The following CNTNAP3B variants were observed in gnomAD, a reference collection of about 807,000 sequenced individuals.
The protein encoded by CNTNAP3B is contactin associated protein family member 3B.
A neutral mutation model predicts 108.9 loss-of-function variants in CNTNAP3B; 25 were observed. The observed-to-expected ratio is 0.23, with a 90% CI of 0.17 to 0.32. The LOEUF is 0.32. CNTNAP3B is among the 10% of genes least tolerant of loss of function. CNTNAP3B has a pLI of 1.00. For synonymous variants in CNTNAP3B, 103 were observed against 473.4 expected, an observed-to-expected ratio of 0.22 and a Z score of 10.16; for missense variants, 252 against 1,210.4, an observed-to-expected ratio of 0.21 and a Z score of 11.75.
intron 3 of CNTNAP3B, among the ~76,000 whole-genome samples, chr9:42,071,243 C>CGT (rs1170294136): frequency 6.8e-6 from 1 of 146,460 alleles, no homozygotes; most frequent in Non-Finnish European, 1.5e-5. Flanking sequence ...TGCGTGTCTG[C>CGT]GTGTGTGTGT....
chr9:42,047,846 G>A (rs954864681), intron 3 of CNTNAP3B, among the ~76,000 whole-genome samples: 3 of 112,066 alleles, frequency 2.7e-5, no homozygotes, highest in East Asian at 2.9e-4. Context: ...TTCTTTAGAG[G>A]ACAAAATGCC....
At chr9:41,948,039 A>AC in intron 13 of CNTNAP3B, among the ~76,000 whole-genome samples, 1 of 150,122 alleles carries the variant, frequency 6.7e-6, no homozygotes, top group East Asian at 2.0e-4. Context: ...TTACTGAAAA[A>AC]AAATCTCTTG....
intron 14 of CNTNAP3B, 125 bp from the exon 15 acceptor site, chr9:41,929,569 A>G (rs573863829): frequency 3.2e-6 from 4 of 1,244,966 alleles, no homozygotes; most frequent in East Asian, 5.5e-5. Context: ...AACATTTTCA[A>G]TATTTTGAGA....
At chr9:41,955,035 T>A in intron 12 of CNTNAP3B, among the ~76,000 whole-genome samples, 1 of 151,342 alleles carries the variant, frequency 6.6e-6, no homozygotes, top group African/African-American at 2.4e-5. Flanking sequence ...CATCACCTAC[T>A]CTCACCTTCA....
intron 12 of CNTNAP3B, among the ~76,000 whole-genome samples, 185 bp from the exon 13 acceptor site, chr9:41,953,571 C>T (rs1200032206): frequency 1.3e-5 from 2 of 151,282 alleles, no homozygotes; most frequent in East Asian, 3.9e-4. Flanking sequence ...TAAGAGAAAG[C>T]ATATTGGAAG....
At chr9:41,960,117 C>G (rs1276123255) in intron 12 of CNTNAP3B, 2 of 155,744 alleles carry the variant, frequency 1.3e-5, no homozygotes, top group Non-Finnish European at 2.8e-5. Flanking sequence ...CCTGCCTCAG[C>G]CTCCCAAGTA....
At position 42,098,926 on chromosome 9, in the gene CNTNAP3B, G is replaced by A. The variant is rs1229193562; in HGVS notation, c.196+5703C>T. Among the ~76,000 whole-genome samples, 5 of 133,538 alleles carry A rather than the reference G, an allele frequency of 3.7e-5. 1 individual carries two copies. Among genetic ancestry groups the A allele is most frequent in the Non-Finnish European group, 7.9e-5 (5 of 63,300 alleles). The allele number at this position is 133,538 out of a possible 152,430, so 87.6% of individuals were successfully genotyped here. ...TTCTGTGGAGCCACACAGGCAGCCT[G>A]ATACCTGGGCAAATGCTTACCTGCC... On this transcript the variant is annotated intron_variant, in intron 2 of 23. Coordinates refer to ENST00000377561, the MANE Select transcript of CNTNAP3B (RefSeq NM_001201380.3).
chr9:42,112,423 G>A lies in CNTNAP3B; in HGVS notation c.86-7684C>T, dbSNP rs752411272. Among the ~76,000 whole-genome samples the A allele has an allele frequency of 4.7e-4, 65 of 139,146 alleles. 12 individuals are homozygous for A. Among genetic ancestry groups the A allele is most frequent in the African/African-American group, 1.7e-3 (58 of 34,938 alleles). 91.3% of individuals were successfully genotyped at this position (139,146 alleles called of 152,430 possible). A position where few individuals can be genotyped will look rare whatever the true frequency, so the allele number is the denominator to read the frequency against. On this transcript the variant is annotated intron_variant, in intron 1 of 23. Coordinates refer to ENST00000377561, the MANE Select transcript of CNTNAP3B (RefSeq NM_001201380.3). Reference sequence around the variant, plus strand: ...GGCAGATGGGGATGAGAGGGAACAGGAGAACCTCACTCCTGAGAAAGGAGC... The same window carrying A: ...GGCAGATGGGGATGAGAGGGAACAGAAGAACCTCACTCCTGAGAAAGGAGC...
intron 15 of CNTNAP3B, among the ~76,000 whole-genome samples, chr9:41,927,410 GAAAGAAAGAAAAAGAAAGA>G (rs1823850590): frequency 6.9e-6 from 1 of 145,184 alleles, no homozygotes; most frequent in Non-Finnish European, 1.5e-5. Context: ...AGACAGGAAA[GAAAGAAAGAAAAAGAAAGA>G]AAAGAAAGAG....
chr9:41,935,138 G>A (rs1232611294), intron 14 of CNTNAP3B, among the ~76,000 whole-genome samples: 1 of 152,296 alleles, frequency 6.6e-6, no homozygotes, highest in African/African-American at 2.4e-5. Context: ...AATCATTATA[G>A]TGCCTTTTAA....
chr9:41,967,866 A>T (rs758603002), intron 10 of CNTNAP3B, among the ~76,000 whole-genome samples: 15 of 152,386 alleles, frequency 9.8e-5, no homozygotes, highest in Non-Finnish European at 1.5e-4. Flanking sequence ...TAAAATCCTT[A>T]TCTGCAATGA....
chr9:41,990,598 A>G (rs575956819), intron 8 of CNTNAP3B, among the ~76,000 whole-genome samples: 4 of 131,502 alleles, frequency 3.0e-5, no homozygotes, highest in Non-Finnish European at 6.3e-5. Context: ...TTTTTTGAGT[A>G]TGATATCCCC....
At chr9:42,037,378 C>T (rs1317673665) in intron 3 of CNTNAP3B, among the ~76,000 whole-genome samples, 2 of 123,996 alleles carry the variant, frequency 1.6e-5, no homozygotes, top group Admixed American at 8.1e-5. Flanking sequence ...AGCTAAAAAC[C>T]TTCAAAAAAG....
intron 3 of CNTNAP3B, among the ~76,000 whole-genome samples, chr9:42,035,677 A>C (rs1272208694): frequency 6.6e-6 from 1 of 150,938 alleles, no homozygotes; most frequent in Admixed American, 6.6e-5. Flanking sequence ...ATTGTTTTAG[A>C]GACAGGGTTT....
At chr9:41,969,174 T>C (rs1159859481) in intron 10 of CNTNAP3B, among the ~76,000 whole-genome samples, 2 of 152,052 alleles carry the variant, frequency 1.3e-5, no homozygotes, top group African/African-American at 4.8e-5. Context: ...CTGGGGCAAA[T>C]TGTATGTAGA....
intron 1 of CNTNAP3B, among the ~76,000 whole-genome samples, chr9:42,114,106 T>C (rs1828260671): frequency 8.5e-6 from 1 of 116,970 alleles, no homozygotes; most frequent in Non-Finnish European, 1.7e-5. Flanking sequence ...TTATAACATC[T>C]TAAAGGGACC....
chr9:42,110,372 T>C (rs548145777), intron 1 of CNTNAP3B, among the ~76,000 whole-genome samples: 1 of 136,662 alleles, frequency 7.3e-6, no homozygotes, highest in East Asian at 2.2e-4. Flanking sequence ...CGGCGGAACC[T>C]AAGGATGGAA....
At chr9:42,043,013 A>C (rs1260976234) in intron 3 of CNTNAP3B, among the ~76,000 whole-genome samples, 4 of 149,940 alleles carry the variant, frequency 2.7e-5, no homozygotes, top group Non-Finnish European at 5.9e-5. Context: ...TCATCATCAT[A>C]GCTTATGTTT....
At chr9:42,114,608 AC>A (rs1828272745) in intron 1 of CNTNAP3B, among the ~76,000 whole-genome samples, 1 of 111,992 alleles carries the variant, frequency 8.9e-6, no homozygotes. Flanking sequence ...AGTATTTAGA[AC>A]ACAATGGGAA....
Sources: allele counts gnomAD v4.1 joint callset (sites outside exome capture counted in the v4.1 genomes callset), GRCh38; gene constraint gnomAD v4.1.1; transcripts MANE v1.5; gene names NCBI Gene and HGNC (gene_info 2026-07-23, HGNC 2026-07-21).